The following TRIM33 variants were observed in gnomAD, a reference collection of about 807,000 sequenced individuals.
TRIM33 encodes tripartite motif containing 33, also known as E3 ubiquitin-protein ligase TRIM33.
In TRIM33, 20 loss-of-function variants were observed where a neutral mutation model predicts 125.4. The ratio of observed to expected loss-of-function variants is 0.16; its 90% CI spans 0.11 to 0.23. TRIM33 has a LOEUF of 0.23. Ranked by LOEUF, TRIM33 falls within the 10% of genes least tolerant of loss-of-function variation. The pLI is 1.00. For synonymous variants in TRIM33, 564 were observed against 513.9 expected, an observed-to-expected ratio of 1.10 and a Z score of -1.32; for missense variants, 920 against 1,411.4, an observed-to-expected ratio of 0.65 and a Z score of 5.58.
chr1:114,435,877 C>CTTTTTTTTTTTTTT lies in TRIM33; in HGVS notation c.924-2158_924-2145dup, dbSNP rs34327766. Among the ~76,000 whole-genome samples the CTTTTTTTTTTTTTT allele has an allele frequency of 4.1e-5, 3 of 73,324 alleles. 1 individual carries two copies. Among genetic ancestry groups the CTTTTTTTTTTTTTT allele is most frequent in the African/African-American group, 6.4e-5 (1 of 15,648 alleles). The allele number at this position is 73,324 out of a possible 152,430, so 48.1% of individuals were successfully genotyped here. A position where few individuals can be genotyped will look rare whatever the true frequency, so the allele number is the denominator to read the frequency against. Reference sequence around the variant, plus strand: ...GAGTAGCTGGGACTATAGACACCCGCTTTTTTTTTTTTTTTTTTTTTTTTT... The same window carrying CTTTTTTTTTTTTTT: ...GAGTAGCTGGGACTATAGACACCCGCTTTTTTTTTTTTTTTTTTTTTTTTTTTTTTTTTTTTTTT... On this transcript the variant is annotated intron_variant, in intron 4 of 19. Transcript: ENST00000358465.
chr1:114,399,637 G>A, intron 17 of TRIM33, 28 bp from the exon 18 acceptor site: 1 of 1,531,650 alleles, frequency 6.5e-7, no homozygotes, highest in Admixed American at 2.0e-5. Flanking sequence ...TGGCAAATAA[G>A]AATTCTCCAA....
At position 114,510,996 on chromosome 1, in the gene TRIM33, G is replaced by T; in HGVS notation, c.81C>A (p.Ala27=). 1 of 1,329,268 alleles carries T rather than the reference G, an allele frequency of 7.5e-7. No homozygotes were observed. The highest frequency in any genetic ancestry group is 9.6e-7 in the Non-Finnish European group (1 of 1,042,120). 82.3% of individuals were successfully genotyped at this position (1,329,268 alleles called of 1,614,324 possible). Reference sequence around the variant, plus strand: ...GCTCCGCCTCCTGCGCGGCGGGCCCGGCGGCCCCGGCAGTTACCGGCGCGC... The same window carrying T: ...GCTCCGCCTCCTGCGCGGCGGGCCCTGCGGCCCCGGCAGTTACCGGCGCGC... The part of the protein sequence containing the change: ...SGSAPVTAGA[A]GPAAQEAEPP... The change falls in exon 1 of 20, where the codon GCC becomes GCA. Residue 27 remains alanine, a synonymous_variant. Coordinates refer to ENST00000358465, the MANE Select transcript of TRIM33 (RefSeq NM_015906.4).
rs1352581506 is a variant in TRIM33 at position 114,401,371 on chromosome 1, C to G, written c.2967+18G>C. ...ATTATGAGACTTCCCCACCGAGCTA[C>G]TAAGGTAGGCAACTCACCGAAGCAG... On this transcript the variant is annotated intron_variant, in intron 17 of 19. Transcript: ENST00000358465. 6.2e-7 allele frequency: 1 copy of G among 1,608,360 alleles called. No individual in the cohort carries two copies. Among genetic ancestry groups the G allele is most frequent in the Middle Eastern group, 1.7e-4 (1 of 6,042 alleles).
chr1:114,472,467 T>C (rs1352285640), intron 1 of TRIM33, among the ~76,000 whole-genome samples: 1 of 152,238 alleles, frequency 6.6e-6, no homozygotes, highest in Non-Finnish European at 1.5e-5. Context: ...ATGCTGTGGC[T>C]CACGCCTGTA....
rs745823153 is a variant in TRIM33, at chr1:114,463,575, A to G, written c.646-19T>C. On this transcript the variant is annotated intron_variant, in intron 2 of 19. Transcript: ENST00000358465. ...TACATACCTAAAAGAAGAAATAAGC[A>G]CTAATCTAAATTAAATACATAAAAT... 2 of 1,518,564 alleles carry G rather than the reference A, an allele frequency of 1.3e-6. No individual in the cohort carries two copies. The highest frequency in any genetic ancestry group is 1.4e-5 in the African/African-American group (1 of 71,480). The allele number at this position is 1,518,564 out of a possible 1,614,324, so 94.1% of individuals were successfully genotyped here. A position where few individuals can be genotyped will look rare whatever the true frequency, so the allele number is the denominator to read the frequency against.
rs910706927 is a variant in TRIM33, at chr1:114,500,984, A to C, written c.526+9567T>G. Among the ~76,000 whole-genome samples, 5 of 126,266 alleles carry C rather than the reference A, an allele frequency of 4.0e-5. 2 individuals carry two copies. Among genetic ancestry groups the C allele is most frequent in the African/African-American group, 1.6e-4 (5 of 30,534 alleles). 82.8% of individuals were successfully genotyped at this position (126,266 alleles called of 152,430 possible). On this transcript the variant is annotated intron_variant, in intron 1 of 19. Transcript: ENST00000358465. ...GGCGGGCGGATCACGAGGTCAGGAG[A>C]TCGAGACCATCCCGGCTAACACGGT... is the stretch of plus-strand genomic sequence containing the variant.
chr1:114,410,418 T>G, intron 11 of TRIM33, 102 bp from the exon 12 acceptor site: 2 of 1,189,780 alleles, frequency 1.7e-6, no homozygotes, highest in Non-Finnish European at 2.3e-6. Flanking sequence ...AACTAACAGA[T>G]TATCCAATAT....
intron 1 of TRIM33, among the ~76,000 whole-genome samples, chr1:114,467,896 T>C (rs1440729468): frequency 6.6e-6 from 1 of 152,098 alleles, no homozygotes; most frequent in African/African-American, 2.4e-5. Flanking sequence ...CCTTAGAAAA[T>C]AATGAAAAAT....
At chr1:114,460,957 G>C (rs1649944308) in intron 4 of TRIM33, among the ~76,000 whole-genome samples, 4 of 151,922 alleles carry the variant, frequency 2.6e-5, no homozygotes, top group Admixed American at 2.6e-4. Flanking sequence ...GCTTCCCTGA[G>C]TTCTGTGACC....
intron 4 of TRIM33, among the ~76,000 whole-genome samples, chr1:114,459,370 C>A (rs78076575): frequency 1.3e-5 from 2 of 152,178 alleles, no homozygotes; most frequent in Non-Finnish European, 2.9e-5. Context: ...TTACTGAACA[C>A]GTGGAGGATA....
chr1:114,462,982 T>A, intron 4 of TRIM33, 122 bp downstream of exon 4: 1 of 727,412 alleles, frequency 1.4e-6, no homozygotes, highest in Non-Finnish European at 2.0e-6. Context: ...AATTAAAATA[T>A]GTAAAATACA....
intron 4 of TRIM33, among the ~76,000 whole-genome samples, chr1:114,459,600 C>T (rs571782092): frequency 6.6e-6 from 1 of 152,218 alleles, no homozygotes; most frequent in South Asian, 2.1e-4. Flanking sequence ...CAAGATCTAA[C>T]CTCTTTTAAA....
chr1:114,483,563 C>T (rs1210826487), intron 1 of TRIM33, among the ~76,000 whole-genome samples: 2 of 151,864 alleles, frequency 1.3e-5, no homozygotes, highest in Non-Finnish European at 2.9e-5. Context: ...AGGCACCCAC[C>T]ACCACGCTCA....
chr1:114,409,182 TG>T (rs1228725974), intron 12 of TRIM33, among the ~76,000 whole-genome samples: 9 of 152,154 alleles, frequency 5.9e-5, no homozygotes, highest in Non-Finnish European at 1.2e-4. Flanking sequence ...AAGAAGTAGG[TG>T]GTGTGTTTCA....
In TRIM33 at chr1:114,397,817, T is replaced by C. The variant is rs150314344; in HGVS notation, c.3215A>G (p.Tyr1072Cys). The C allele has an allele frequency of 8.1e-6, 13 of 1,611,952 alleles. No homozygotes were observed. Among genetic ancestry groups the C allele is most frequent in the Non-Finnish European group, 1.1e-5 (13 of 1,179,338 alleles). Reference sequence around the variant, plus strand: ...GATCTCTGTGAGTTTATCTTCAAAGTACAATGCAACTGCTTTCCCTGCCTG... The same window carrying C: ...GATCTCTGTGAGTTTATCTTCAAAGCACAATGCAACTGCTTTCCCTGCCTG... ...VAQAGKAVAL[Y>C]FEDKLTEIYS... Residue 1072 changes from tyrosine to cysteine, a missense_variant, in exon 20 of 20, where the codon TAC (tyrosine) becomes TGC (cysteine). Coordinates refer to ENST00000358465, the MANE Select transcript of TRIM33 (RefSeq NM_015906.4).
rs1653298330 is a variant in TRIM33, at chr1:114,510,766, G to A, written c.311C>T (p.Ala104Val). 1 of 1,522,598 alleles carries A rather than the reference G, an allele frequency of 6.6e-7. No individual in the cohort carries two copies. The highest frequency in any genetic ancestry group is 8.8e-7 in the Non-Finnish European group (1 of 1,140,538). The allele number at this position is 1,522,598 out of a possible 1,614,324, so 94.3% of individuals were successfully genotyped here. The change falls in exon 1 of 20, where the codon GCT becomes GTT. Residue 104 changes from alanine to valine, a missense_variant. Ala to Val is a moderately conservative substitution (Grantham distance 64). Transcript: ENST00000358465. ...CCCTGCCGAGGGACCCGGAGCGGGA[G>A]CCGAGGCTGGAGCTGGAGCCGGCGT... ...VSTPAPAPASAPAPGPSAGPP... is the reference protein window; with the variant it reads ...VSTPAPAPASVPAPGPSAGPP...
At chr1:114,431,944 G>A (rs900862929) in intron 5 of TRIM33, among the ~76,000 whole-genome samples, 4 of 152,136 alleles carry the variant, frequency 2.6e-5, no homozygotes, top group Admixed American at 2.6e-4. Context: ...GCTGAAAACA[G>A]AGAGTAGTTA....
chr1:114,400,854 T>C (rs1024691954), intron 17 of TRIM33, among the ~76,000 whole-genome samples: 1 of 152,146 alleles, frequency 6.6e-6, no homozygotes, highest in African/African-American at 2.4e-5. Context: ...CTTTATTCCT[T>C]ACAAAACTCA....
chr1:114,451,084 G>A (rs1182112710), intron 4 of TRIM33, among the ~76,000 whole-genome samples: 1 of 152,072 alleles, frequency 6.6e-6, no homozygotes, highest in Non-Finnish European at 1.5e-5. Context: ...GGAGACTGAA[G>A]GTCCCCAGAG....
Sources: allele counts gnomAD v4.1 joint callset (sites outside exome capture counted in the v4.1 genomes callset), GRCh38; gene constraint gnomAD v4.1.1; transcripts MANE v1.5; gene names NCBI Gene and HGNC (gene_info 2026-07-23, HGNC 2026-07-21).